Variants in USP42 observed in about 807,000 individuals in gnomAD.
USP42 encodes the protein ubiquitin specific peptidase 42, also known as ubiquitin carboxyl-terminal hydrolase 42.
In USP42, 23 loss-of-function variants were observed where a neutral mutation model predicts 113.0. That is an observed-to-expected ratio of 0.20 (90% confidence interval 0.15 to 0.29). The LOEUF (loss-of-function observed/expected upper bound fraction) is 0.29. USP42 is among the 10% of genes least tolerant of loss of function. The pLI is 1.00. For synonymous variants in USP42, 933 were observed against 699.0 expected, an observed-to-expected ratio of 1.33 and a Z score of -5.28; for missense variants, 2,174 against 1,779.8, an observed-to-expected ratio of 1.22 and a Z score of -3.99.
chr7:6,086,795 C>G, the USP42 span, among the ~76,000 whole-genome samples: 1 of 150,480 alleles, frequency 6.6e-6, no homozygotes, highest in South Asian at 2.1e-4. Flanking sequence ...GGCGCGGTCT[C>G]AGCTCACTGT....
the USP42 span, among the ~76,000 whole-genome samples, chr7:6,082,763 G>A: frequency 6.7e-6 from 1 of 148,804 alleles, no homozygotes; most frequent in East Asian, 2.0e-4. Context: ...GGTGCACACC[G>A]CTACACCTGG....
chr7:6,141,196 CTTTTCT>C (rs914201146), intron 7 of USP42, among the ~76,000 whole-genome samples: 4 of 131,872 alleles, frequency 3.0e-5, no homozygotes, highest in African/African-American at 5.6e-5. Context: ...TTTTCTTTTT[CTTTTCT>C]TTTTTTTTTT....
intron 2 of USP42, among the ~76,000 whole-genome samples, chr7:6,112,213 C>T (rs1779633161): frequency 1.3e-5 from 2 of 152,026 alleles, no homozygotes; most frequent in Admixed American, 6.6e-5. Context: ...CTTTGGGAGG[C>T]CAAGGCAGGT....
the USP42 span, chr7:6,084,314 A>G: frequency 6.6e-6 from 1 of 151,534 alleles, no homozygotes; most frequent in Non-Finnish European, 1.5e-5. Flanking sequence ...GGTGTGAGCC[A>G]CCACACCCAG....
rs1481045387 is a variant in USP42, at chr7:6,159,996, G to A, written c.*36+503G>A. Among the ~76,000 whole-genome samples the A allele has an allele frequency of 6.6e-6, 1 of 152,220 alleles. No individual in the cohort carries two copies. The highest frequency in any genetic ancestry group is 1.5e-5 in the Non-Finnish European group (1 of 68,042). ...ACAAAACCATAGGAAGGTGGCCCAG[G>A]GCCGGGCGGCAGATCAGGACCTCGG... On this transcript the variant is annotated intron_variant, in intron 17 of 17. Coordinates refer to ENST00000306177, the MANE Select transcript of USP42 (RefSeq NM_032172.3). This position sits in a 1 kb window ranked among gnomAD's most constrained non-coding sequence, Gnocchi z 4.1.
At position 6,109,804 on chromosome 7, in the gene USP42, G is replaced by A. The variant is rs540938193; in HGVS notation, c.-9-1321G>A. ...CAACTTCTGTCTCCCAGGTTCAAGC[G>A]ATTTTCCTGACTCAGCCTCCCAAGT... On this transcript the variant is annotated intron_variant, in intron 1 of 17. Transcript: ENST00000306177. Among the ~76,000 whole-genome samples, 14 of 149,976 alleles carry A rather than the reference G, an allele frequency of 9.3e-5. No individual in the cohort carries two copies. The East Asian group carries it at 9.9e-4, about 11-fold the overall frequency.
At chr7:6,132,200 A>G (rs1780888153) in intron 3 of USP42, among the ~76,000 whole-genome samples, 1 of 152,196 alleles carries the variant, frequency 6.6e-6, no homozygotes, top group African/African-American at 2.4e-5. Flanking sequence ...TGCTGAGATT[A>G]CAGGGCAGCC....
Position 6,156,822 on chromosome 7 carries a change from A to G in USP42, c.3710A>G (p.Lys1237Arg). 1 of 1,607,980 alleles carries G rather than the reference A, an allele frequency of 6.2e-7. No homozygotes were observed. The highest frequency in any genetic ancestry group is 1.3e-5 in the African/African-American group (1 of 74,294). Residue 1237 changes from lysine (K) to arginine (R), a missense_variant, in exon 16 of 18, where the codon AAG becomes AGG. Coordinates refer to ENST00000306177, the MANE Select transcript of USP42 (RefSeq NM_032172.3). ...GACCTCCACAGACACAAAAAAAAGA[A>G]GAAGAAAAAGAAGAGACATTCAAGA... is the stretch of plus-strand genomic sequence containing the variant. The part of the protein sequence containing the change: ...DADLHRHKKK[K>R]KKKKRHSRKS...
Position 6,153,813 on chromosome 7 carries a change from C to A in USP42, c.2259C>A (p.Gly753=), listed in dbSNP as rs970907132. 21 of 1,526,348 alleles carry A rather than the reference C, an allele frequency of 1.4e-5. No homozygotes were observed. Among genetic ancestry groups the A allele is most frequent in the Admixed American group, 2.1e-5 (1 of 47,594 alleles). The allele number at this position is 1,526,348 out of a possible 1,614,324, so 94.6% of individuals were successfully genotyped here. Residue 753 remains glycine (G), a synonymous_variant, in exon 15 of 18, where the codon GGC becomes GGA. Transcript: ENST00000306177. ...ACCGCGACGCCGAGCCTCAGCCTGG[C>A]AGCCCCGCCGCCGAATCCCTGGAGG... ...PEDRDAEPQP[G]SPAAESLEEP...
chr7:6,142,132 T>TA, intron 7 of USP42, among the ~76,000 whole-genome samples: 1 of 152,230 alleles, frequency 6.6e-6, no homozygotes, highest in Non-Finnish European at 1.5e-5. Context: ...TTAATTCTGC[T>TA]CATTTTTAAA....
In USP42 at chr7:6,145,641, C is replaced by T. The variant is rs928744528; in HGVS notation, c.1116C>T (p.Tyr372=). 5 of 1,613,728 alleles carry T rather than the reference C, an allele frequency of 3.1e-6. No homozygotes were observed. Among genetic ancestry groups the T allele is most frequent in the Admixed American group, 1.7e-5 (1 of 59,968 alleles). ...GTTTTAATTGCCATGCTGGCCATTA[C>T]TTCTGCTACATAAAAGTAAGCTGTG... ...HTGFNCHAGH[Y]FCYIKASNGL... is the part of the protein sequence containing the mutation. Residue 372 remains tyrosine, a synonymous_variant, in exon 10 of 18, where the codon TAC becomes TAT. Transcript: ENST00000306177.
chr7:6,105,939 C>G (rs1779255699), intron 1 of USP42, among the ~76,000 whole-genome samples: 1 of 151,996 alleles, frequency 6.6e-6, no homozygotes, highest in African/African-American at 2.4e-5. Flanking sequence ...ACCCTGACAG[C>G]AAAACTGTTT....
rs751985335 is a variant in USP42, at chr7:6,157,047, A to G, written c.3935A>G (p.Tyr1312Cys). 11 of 1,603,848 alleles carry G rather than the reference A, an allele frequency of 6.9e-6. No individual in the cohort carries two copies. The African/African-American group carries it at 8.1e-5, about 12-fold the overall frequency. The change falls in exon 16 of 18, where the codon TAT (tyrosine) becomes TGT (cysteine). Residue 1312 changes from tyrosine to cysteine, a missense_variant. Coordinates refer to ENST00000306177, the MANE Select transcript of USP42 (RefSeq NM_032172.3). The surrounding 1 kb of genome is among the most constrained non-coding windows in gnomAD (Gnocchi z 4.1). ...SRDDRCRLFEYGQGD is the reference protein window; with the variant it reads ...SRDDRCRLFECGQGD ...GATGACAGGTGTCGTCTCTTTGAGT[A>G]TGGCCAGGGTAAGAGGAGATACTTG...
At chr7:6,156,005 C>T (rs1782428154) in intron 15 of USP42, among the ~76,000 whole-genome samples, 1 of 152,186 alleles carries the variant, frequency 6.6e-6, no homozygotes, top group Non-Finnish European at 1.5e-5. Flanking sequence ...GATCCCAAAG[C>T]ACTGGGATCA....
the USP42 span, among the ~76,000 whole-genome samples, chr7:6,086,109 C>T: frequency 6.7e-6 from 1 of 149,736 alleles, no homozygotes; most frequent in Non-Finnish European, 1.5e-5. Context: ...GATCTTGGCT[C>T]ATTGCAACCT....
In USP42 at chr7:6,135,940, A is replaced by G. The variant is rs200034120; in HGVS notation, c.542A>G (p.Asn181Ser). The G allele has an allele frequency of 2.3e-5, 37 of 1,597,054 alleles. No homozygotes were observed. The Admixed American group carries it at 2.6e-4, about 11-fold the overall frequency. ...GTTATTAAACCAATGTTTGTCATCA[A>G]TGAGATGCGGCGTAAGTATTAACTA... Reference protein sequence around the residue: ...GDVIKPMFVINEMRRIARHFR... With the variant: ...GDVIKPMFVISEMRRIARHFR... The change falls in exon 4 of 18, where the codon AAT becomes AGT. Residue 181 changes from asparagine (N) to serine (S), a missense_variant. Asn to Ser is a conservative substitution (Grantham distance 46). Transcript: ENST00000306177.
chr7:6,089,925 C>T, the USP42 span, among the ~76,000 whole-genome samples: 3 of 150,832 alleles, frequency 2.0e-5, no homozygotes, highest in Middle Eastern at 3.2e-3. Flanking sequence ...GGCTTGAACC[C>T]GGGAGGTGGA....
chr7:6,143,882 C>A (rs972717534), intron 8 of USP42, among the ~76,000 whole-genome samples: 1 of 152,034 alleles, frequency 6.6e-6, no homozygotes, highest in Admixed American at 6.6e-5. Flanking sequence ...AACTTCCTTT[C>A]CTTTCATGCT....
intron 3 of USP42, among the ~76,000 whole-genome samples, chr7:6,130,879 C>T (rs1332737975): frequency 6.6e-6 from 1 of 152,098 alleles, no homozygotes; most frequent in Admixed American, 6.6e-5. Context: ...CATTATTGGC[C>T]AGAGCCTTCG....
Sources: gnomAD v4.1 joint callset for allele counts (sites outside exome capture counted in the v4.1 genomes callset) on GRCh38, gnomAD v4.1.1 for gene constraint, Gnocchi (gnomAD v3.1) non-coding constraint, MANE v1.5 for transcripts, NCBI Gene and HGNC (gene_info 2026-07-23, HGNC 2026-07-21) for gene names.